Variants in TCL1A observed in about 807,000 individuals in gnomAD.
TCL1A encodes the protein TCL1 family AKT coactivator A, also known as T-cell leukemia/lymphoma protein 1A.
TCL1A carries 9 observed loss-of-function variants against 16.9 expected under a neutral mutation model. The ratio of observed to expected loss-of-function variants is 0.53; its 90% CI spans 0.32 to 0.93. The LOEUF (loss-of-function observed/expected upper bound fraction) is 0.93. Among genes scored for constraint, TCL1A ranks in the 40% least tolerant of loss-of-function variants. TCL1A has a pLI of 0.04. For missense variants in TCL1A, 139 were observed against 153.0 expected, an observed-to-expected ratio of 0.91 and a Z score of 0.48; for synonymous variants, 69 against 63.2, an observed-to-expected ratio of 1.09 and a Z score of -0.44.
rs1216774235 is a variant in TCL1A, at chr14:95,714,037, T to C, written c.30A>G (p.Ala10=). 1.9e-6 allele frequency: 3 copies of C among 1,613,952 alleles called. No homozygotes were observed. In the African/African-American group the frequency reaches 4.0e-5, roughly 22 times the overall value. MAECPTLGE[A]VTDHPDRLWA... is the part of the protein sequence containing the mutation. Reference sequence around the variant, plus strand: ...ACAGGCGGTCCGGGTGGTCGGTGACTGCCTCCCCGAGTGTCGGGCACTCGG... The same window carrying C: ...ACAGGCGGTCCGGGTGGTCGGTGACCGCCTCCCCGAGTGTCGGGCACTCGG... Residue 10 remains alanine, a synonymous_variant, in exon 1 of 4, where the codon GCA becomes GCG. Coordinates refer to ENST00000402399, the MANE Select transcript of TCL1A (RefSeq NM_021966.3).
At chr14:95,710,916 G>A (rs1202874879) in intron 3 of TCL1A, 35 bp from the exon 4 acceptor site, 1 of 153,208 alleles carries the variant, frequency 6.5e-6, no homozygotes, top group East Asian at 1.9e-4. Context: ...AATCAAGGGT[G>A]AAGGAAAGGA....
rs958047615 is a variant in TCL1A at position 95,710,155 on chromosome 14, GA to G, written c.*732del. On this transcript the variant is annotated 3_prime_UTR_variant, in exon 4 of 4. Transcript: ENST00000402399. ...GTGCGTGACCATCTATAAAAGGGGGGAAACCCAACCTCTATCCCTTTTCCAC... is the reference window on the plus strand; with the variant it reads ...GTGCGTGACCATCTATAAAAGGGGGGAACCCAACCTCTATCCCTTTTCCAC... The G allele has an allele frequency of 5.3e-5, 8 of 152,198 alleles. No homozygotes were observed. Among genetic ancestry groups the G allele is most frequent in the African/African-American group, 1.7e-4 (7 of 41,438 alleles). 9.4% of individuals were successfully genotyped at this position (152,198 alleles called of 1,614,324 possible).
In TCL1A at chr14:95,711,975, C is replaced by T. The variant is rs796603491; in HGVS notation, c.298-173G>A. ...CCCACCAGCCTTCAGCCTGTGACTGCCCACCAGAGATGTCTTCCTGCGGCT... is the reference window on the plus strand; with the variant it reads ...CCCACCAGCCTTCAGCCTGTGACTGTCCACCAGAGATGTCTTCCTGCGGCT... On this transcript the variant is annotated intron_variant, in intron 2 of 3. Coordinates refer to ENST00000402399, the MANE Select transcript of TCL1A (RefSeq NM_021966.3). The T allele has an allele frequency of 1.2e-4, 107 of 927,440 alleles. No homozygotes were observed. The African/African-American group carries it at 1.4e-3, about 12-fold the overall frequency. 57.5% of individuals were successfully genotyped at this position (927,440 alleles called of 1,614,324 possible). A position where few individuals can be genotyped will look rare whatever the true frequency, so the allele number is the denominator to read the frequency against.
intron 1 of TCL1A, 145 bp downstream of exon 1, chr14:95,713,802 A>C: frequency 1.5e-6 from 2 of 1,309,838 alleles, no homozygotes; most frequent in Non-Finnish European, 1.0e-6. Flanking sequence ...TTCATCCTCC[A>C]GAGCCCGGCT....
chr14:95,713,739 C>T (rs147912248), intron 1 of TCL1A, among the ~76,000 whole-genome samples: 2 of 152,342 alleles, frequency 1.3e-5, no homozygotes, highest in African/African-American at 2.4e-5. Context: ...ACCCCTTTGA[C>T]CGACATTCCT....
intron 1 of TCL1A, among the ~76,000 whole-genome samples, chr14:95,713,071 T>G (rs1362848732): frequency 6.6e-6 from 1 of 152,196 alleles, no homozygotes; most frequent in Non-Finnish European, 1.5e-5. Flanking sequence ...ATTTAAAAAA[T>G]TGAAATGCCA....
chr14:95,712,395 A>C lies in TCL1A; in HGVS notation c.122T>G (p.Ile41Arg). Residue 41 changes from isoleucine (I) to arginine (R), a missense_variant and splice_region_variant, in exon 2 of 4, where the codon ATA becomes AGA. Physicochemically the swap from Ile to Arg is moderately conservative, Grantham distance 97. This residue lies in a region of TCL1A where 94 missense variants were observed against 80.2 expected (regional missense o/e 1.17). Coordinates refer to ENST00000402399, the MANE Select transcript of TCL1A (RefSeq NM_021966.3). ...CACCCGTAACTGTAACCTATCCTTT[A>C]TCTGAGGAGAAGAAAAGGACAGGGC... ...QHAWLPLTIE[I>R]KDRLQLRVLL... 6.3e-7 allele frequency: 1 copy of C among 1,599,486 alleles called. No homozygotes were observed. The highest frequency in any genetic ancestry group is 1.1e-5 in the South Asian group (1 of 89,932).
chr14:95,711,685 G>A (rs1886357017), intron 3 of TCL1A, 64 bp downstream of exon 3: 9 of 1,572,698 alleles, frequency 5.7e-6, no homozygotes, highest in Non-Finnish European at 4.3e-6. Flanking sequence ...ATGGAGAAGG[G>A]GTGGTCTTTC....
rs1555368829 is a variant in TCL1A, at chr14:95,713,959, G to C, written c.108C>G (p.Pro36=). The change falls in exon 1 of 4, where the codon CCC becomes CCG. Residue 36 remains proline (P), a synonymous_variant. Transcript: ENST00000402399. ...YLDEKQHAWL[P]LTIEIKDRLQ... The stretch of plus-strand genomic sequence containing the variant: ...AAGCTGGCTGTACCTCGATGGTTAA[G>C]GGCAGCCAGGCGTGCTGCTTCTCGT... 6.2e-7 allele frequency: 1 copy of C among 1,613,880 alleles called. No homozygotes were observed. The highest frequency in any genetic ancestry group is 1.6e-4 in the Middle Eastern group (1 of 6,062).
chr14:95,713,756 T>G, intron 1 of TCL1A, among the ~76,000 whole-genome samples, 191 bp downstream of exon 1: 1 of 152,226 alleles, frequency 6.6e-6, no homozygotes, highest in Middle Eastern at 3.4e-3. Flanking sequence ...TCCTTTGCGG[T>G]TTTCCCACCC....
At chr14:95,713,810 G>T (rs751230096) in intron 1 of TCL1A, 137 bp downstream of exon 1, 4 of 1,360,440 alleles carry the variant, frequency 2.9e-6, no homozygotes, top group African/African-American at 1.5e-5. Flanking sequence ...CCAGAGCCCG[G>T]CTCAAAGTGG....
At chr14:95,713,788 C>T (rs1886471970) in intron 1 of TCL1A, among the ~76,000 whole-genome samples, 159 bp downstream of exon 1, 2 of 152,208 alleles carry the variant, frequency 1.3e-5, no homozygotes, top group African/African-American at 2.4e-5. Flanking sequence ...CTGGAGAACT[C>T]CTATTCATCC....
intron 1 of TCL1A, among the ~76,000 whole-genome samples, chr14:95,713,689 GTAGTCAACAT>G: frequency 6.6e-6 from 1 of 152,328 alleles, no homozygotes; most frequent in Admixed American, 6.5e-5. Context: ...AATGCCTGCT[GTAGTCAACAT>G]TATAGTCACA....
intron 1 of TCL1A, 52 bp from the exon 2 acceptor site, chr14:95,712,448 T>A (rs779489723): frequency 6.5e-7 from 1 of 1,548,694 alleles, no homozygotes; most frequent in Non-Finnish European, 8.7e-7. Context: ...TTGCCAGGGC[T>A]TCTCCAGGCG....
At chr14:95,713,744 A>C (rs1595067799) in intron 1 of TCL1A, among the ~76,000 whole-genome samples, 1 of 152,160 alleles carries the variant, frequency 6.6e-6, no homozygotes, top group African/African-American at 2.4e-5. Flanking sequence ...TTTGACCGAC[A>C]TTCCTTTGCG....
intron 2 of TCL1A, 23 bp downstream of exon 2, chr14:95,712,197 A>C: frequency 6.2e-7 from 1 of 1,613,926 alleles, no homozygotes; most frequent in Non-Finnish European, 8.5e-7. Flanking sequence ...CACCCGATGG[A>C]CCTCTGGGAG....
intron 3 of TCL1A, 118 bp downstream of exon 3, chr14:95,711,631 G>C: frequency 8.3e-7 from 1 of 1,198,720 alleles, no homozygotes; most frequent in Non-Finnish European, 1.2e-6. Context: ...CATCCCTAGG[G>C]ACCCTCAGAT....
rs1886319487 is a variant in TCL1A at position 95,710,488 on chromosome 14, GA to G, written c.*399del. 1 of 152,726 alleles carries G rather than the reference GA, an allele frequency of 6.5e-6. No individual in the cohort carries two copies. The highest frequency in any genetic ancestry group is 1.5e-5 in the Non-Finnish European group (1 of 68,396). The allele number at this position is 152,726 out of a possible 1,614,324, so 9.5% of individuals were successfully genotyped here. Reference sequence around the variant, plus strand: ...AGGGTTTCAGAGGTCCTGCTCAGGTGAATCGGCTGTGTTCTCACAAGTTCAC... The same window carrying G: ...AGGGTTTCAGAGGTCCTGCTCAGGTGATCGGCTGTGTTCTCACAAGTTCAC... On this transcript the variant is annotated 3_prime_UTR_variant, in exon 4 of 4. Transcript: ENST00000402399.
At position 95,713,988 on chromosome 14, in the gene TCL1A, A is replaced by G; in HGVS notation, c.79T>C (p.Leu27=). 6.2e-7 allele frequency: 1 copy of G among 1,613,912 alleles called. No individual in the cohort carries two copies. Among genetic ancestry groups the G allele is most frequent in the Non-Finnish European group, 8.5e-7 (1 of 1,179,966 alleles). Residue 27 remains leucine (L), a synonymous_variant, in exon 1 of 4, where the codon TTG becomes CTG. Transcript: ENST00000402399. ...RLWAWEKFVY[L]DEKQHAWLPL... Reference sequence around the variant, plus strand: ...AGCCAGGCGTGCTGCTTCTCGTCCAAATACACGAACTTCTCCCAGGCCCAC... The same window carrying G: ...AGCCAGGCGTGCTGCTTCTCGTCCAGATACACGAACTTCTCCCAGGCCCAC...
Sources: gnomAD v4.1 joint callset for allele counts (sites outside exome capture counted in the v4.1 genomes callset) on GRCh38, gnomAD v4.1.1 for gene constraint, gnomAD v4.1.1 regional missense constraint, MANE v1.5 for transcripts, NCBI Gene and HGNC (gene_info 2026-07-23, HGNC 2026-07-21) for gene names.